GRIN2A: variants seen among roughly 807,000 people sequenced by gnomAD.
GRIN2A encodes glutamate receptor ionotropic, NMDA 2A.
Under a neutral mutation model 113.4 loss-of-function variants are expected in GRIN2A, and 22 were observed. That is an observed-to-expected ratio of 0.19 (90% CI 0.14 to 0.28). The LOEUF (loss-of-function observed/expected upper bound fraction) is 0.28, where lower values mean the gene tolerates loss of function less well. GRIN2A is among the 10% of genes least tolerant of loss of function. The pLI is 1.00. For missense variants in GRIN2A, 1,502 were observed against 1,887.0 expected (o/e 0.80, Z 3.78); for synonymous variants, 827 against 738.4 (o/e 1.12, Z -1.94).
intron 3 of GRIN2A, among the ~76,000 whole-genome samples, chr16:9,907,532 T>A (rs1215243035): frequency 1.3e-5 from 2 of 152,226 alleles, no homozygotes; most frequent in African/African-American, 4.8e-5. Context: ...CTCTGAATCC[T>A]GATTGCAGTC....
chr16:9,879,308 G>C (rs190516069), intron 4 of GRIN2A, among the ~76,000 whole-genome samples: 164 of 152,286 alleles, frequency 1.1e-3, no homozygotes, highest in South Asian at 2.1e-3. Flanking sequence ...GAAGGAGGAT[G>C]ACAGGGAAGG....
At chr16:9,874,498 C>T (rs959284318) in intron 4 of GRIN2A, among the ~76,000 whole-genome samples, 14 of 152,160 alleles carry the variant, frequency 9.2e-5, no homozygotes, top group African/African-American at 2.2e-4. Flanking sequence ...TTCTTGCCAA[C>T]GCTGGGGGCA....
chr16:10,001,930 A>G (rs1048574964), intron 2 of GRIN2A, among the ~76,000 whole-genome samples: 2 of 152,208 alleles, frequency 1.3e-5, no homozygotes, highest in African/African-American at 4.8e-5. Flanking sequence ...GATAACACCT[A>G]CCTTTAATTA....
chr16:10,168,054 A>T (rs1476981880), intron 2 of GRIN2A, among the ~76,000 whole-genome samples: 1 of 152,244 alleles, frequency 6.6e-6, no homozygotes, highest in African/African-American at 2.4e-5. Context: ...TTTATTAAGT[A>T]ATAATGATTA....
rs1459336344 is a variant in GRIN2A at position 10,118,475 on chromosome 16, C to A, written c.414+61523G>T. Among the ~76,000 whole-genome samples, 6 of 152,260 alleles carry A rather than the reference C, an allele frequency of 3.9e-5. No homozygotes were observed. The East Asian group carries it at 1.2e-3, about 29-fold the overall frequency. ...TTTCAGGTTAACAAGTAAAATCTTC[C>A]TTGAGTGTATACCTCTAAGCCTGTG... On this transcript the variant is annotated intron_variant, in intron 2 of 12. Coordinates refer to ENST00000330684, the MANE Select transcript of GRIN2A (RefSeq NM_001134407.3).
chr16:10,180,531 C>T lies in GRIN2A; in HGVS notation c.-18-102G>A, dbSNP rs2142392252. ...TGCTCTAGGAGCCAGGCATGGAACTCAGCAGCAGGATAGGCTGCTGGGATC... is the reference window on the plus strand; with the variant it reads ...TGCTCTAGGAGCCAGGCATGGAACTTAGCAGCAGGATAGGCTGCTGGGATC... On this transcript the variant is annotated intron_variant, in intron 1 of 12. Transcript: ENST00000330684. This position sits in a 1 kb window ranked among gnomAD's most constrained non-coding sequence, Gnocchi z 7.0. The T allele has an allele frequency of 6.6e-7, 1 of 1,524,152 alleles. No homozygotes were observed. The highest frequency in any genetic ancestry group is 8.8e-7 in the Non-Finnish European group (1 of 1,141,654). The allele number at this position is 1,524,152 out of a possible 1,614,324, so 94.4% of individuals were successfully genotyped here.
intron 11 of GRIN2A, among the ~76,000 whole-genome samples, chr16:9,792,101 G>C (rs1902642758): frequency 6.9e-6 from 1 of 144,756 alleles, no homozygotes; most frequent in Admixed American, 6.9e-5. Flanking sequence ...GTGTGTGTGT[G>C]TGTGTGTATC....
chr16:9,826,032 G>A (rs2042382161), intron 9 of GRIN2A, among the ~76,000 whole-genome samples: 1 of 152,050 alleles, frequency 6.6e-6, no homozygotes. Context: ...GAGTGGAAAG[G>A]AGGAGGGTAG....
intron 2 of GRIN2A, among the ~76,000 whole-genome samples, chr16:10,159,797 C>G (rs1026559187): frequency 3.3e-5 from 5 of 152,104 alleles, no homozygotes; most frequent in Non-Finnish European, 7.4e-5. Flanking sequence ...AAATTCCATC[C>G]CAGATCGCCT....
At chr16:9,803,080 C>T (rs7188905) in intron 10 of GRIN2A, among the ~76,000 whole-genome samples, 50,276 of 151,958 alleles carry the variant, frequency 0.33, 8,500 homozygotes, top group African/African-American at 0.4. Flanking sequence ...AAAGCAACTG[C>T]ATTTCTCAGG....
intron 2 of GRIN2A, among the ~76,000 whole-genome samples, chr16:10,175,278 C>G (rs2050120497): frequency 6.6e-6 from 1 of 152,114 alleles, no homozygotes; most frequent in Non-Finnish European, 1.5e-5. Flanking sequence ...CATGTATATT[C>G]AGAAGGAGAG....
intron 3 of GRIN2A, among the ~76,000 whole-genome samples, chr16:9,900,961 C>A (rs76590538): frequency 0.029 from 4,488 of 152,266 alleles, 224 homozygotes; most frequent in African/African-American, 0.1. Context: ...TCAAGATCTC[C>A]AAGTGGCAGA....
intron 10 of GRIN2A, among the ~76,000 whole-genome samples, chr16:9,810,027 C>G (rs3765648): frequency 6.6e-6 from 1 of 152,090 alleles, no homozygotes; most frequent in East Asian, 1.9e-4. Flanking sequence ...GAGATCGCGC[C>G]GTTGCACTCC....
intron 2 of GRIN2A, among the ~76,000 whole-genome samples, chr16:10,042,022 C>T (rs1310115616): frequency 1.3e-5 from 2 of 152,112 alleles, no homozygotes; most frequent in African/African-American, 2.4e-5. Flanking sequence ...TGATTGCACA[C>T]AGTAGGGGCT....
chr16:9,761,057 A>T lies in GRIN2A; in HGVS notation c.*2092T>A. ...ATTTTCAAGCACATGCATCCCCAGC[A>T]CCTAGTCAGCCCCTTCTGCCTTTCA... On this transcript the variant is annotated 3_prime_UTR_variant, in exon 13 of 13. Transcript: ENST00000330684. 4.3e-6 allele frequency: 1 copy of T among 232,880 alleles called. No individual in the cohort carries two copies. Among genetic ancestry groups the T allele is most frequent in the Non-Finnish European group, 8.5e-6 (1 of 117,830 alleles). 14.4% of individuals were successfully genotyped at this position (232,880 alleles called of 1,614,324 possible). A position where few individuals can be genotyped will look rare whatever the true frequency, so the allele number is the denominator to read the frequency against.
intron 10 of GRIN2A, among the ~76,000 whole-genome samples, chr16:9,818,755 G>C (rs556816777): frequency 6.6e-6 from 1 of 152,268 alleles, no homozygotes; most frequent in South Asian, 2.1e-4. Flanking sequence ...ATTACACATT[G>C]TATTGGCAAA....
At chr16:10,114,099 A>G (rs7197357) in intron 2 of GRIN2A, among the ~76,000 whole-genome samples, 48,974 of 152,068 alleles carry the variant, frequency 0.32, 8,090 homozygotes, top group East Asian at 0.41. Context: ...GGCTGAGGCA[A>G]GAAAAATTGC....
intron 2 of GRIN2A, among the ~76,000 whole-genome samples, chr16:10,022,642 C>A (rs1400644014): frequency 6.6e-6 from 1 of 152,216 alleles, no homozygotes; most frequent in East Asian, 1.9e-4. Flanking sequence ...TTCTTCTCTC[C>A]AGTCTGAACA....
At position 10,111,961 on chromosome 16, in the gene GRIN2A, T is replaced by C. The variant is rs969106512; in HGVS notation, c.414+68037A>G. Reference sequence around the variant, plus strand: ...GATGGTGGCTCCAGCAGGCATGACATTGAAACAGGCAAATGAGATCCTTCA... The same window carrying C: ...GATGGTGGCTCCAGCAGGCATGACACTGAAACAGGCAAATGAGATCCTTCA... On this transcript the variant is annotated intron_variant, in intron 2 of 12. Coordinates refer to ENST00000330684, the MANE Select transcript of GRIN2A (RefSeq NM_001134407.3). The C allele has an allele frequency of 8.3e-6, 6 of 719,214 alleles. No homozygotes were observed. The African/African-American group carries it at 1.0e-4, about 12-fold the overall frequency. The allele number at this position is 719,214 out of a possible 1,614,324, so 44.6% of individuals were successfully genotyped here.
Sources: allele counts gnomAD v4.1 joint callset (sites outside exome capture counted in the v4.1 genomes callset), GRCh38; gene constraint gnomAD v4.1.1; non-coding constraint Gnocchi (gnomAD v3.1); transcripts MANE v1.5; gene names NCBI Gene and HGNC (gene_info 2026-07-23, HGNC 2026-07-21).